Variants in RBFOX1 observed in about 807,000 individuals in gnomAD.
RBFOX1 encodes RNA binding fox-1 homolog 1, also known as RNA binding protein fox-1 homolog 1.
RBFOX1 carries 8 observed loss-of-function variants against 57.7 expected under a neutral mutation model. That is an observed-to-expected ratio of 0.14 (90% CI 0.08 to 0.25). The LOEUF (loss-of-function observed/expected upper bound fraction) is 0.25, where lower values mean the gene tolerates loss of function less well. RBFOX1 is among the 10% of genes least tolerant of loss of function. The probability of loss-of-function intolerance (pLI) is 1.00; values close to 1 mark genes in which losing one functional copy is unlikely to be tolerated. For missense variants in RBFOX1, 611 were observed against 548.5 expected, an observed-to-expected ratio of 1.11 and a Z score of -1.14; for synonymous variants, 326 against 222.4, an observed-to-expected ratio of 1.47 and a Z score of -4.15.
At chr16:6,376,329 C>A (rs1325843413) in intron 2 of RBFOX1, among the ~76,000 whole-genome samples, 1 of 151,806 alleles carries the variant, frequency 6.6e-6, no homozygotes, top group East Asian at 1.9e-4. Flanking sequence ...TTTGCAAGGG[C>A]CCCTGCAAAG....
chr16:7,309,142 G>T (rs546658815), intron 4 of RBFOX1, among the ~76,000 whole-genome samples: 1 of 152,306 alleles, frequency 6.6e-6, no homozygotes, highest in African/African-American at 2.4e-5. Context: ...AGGTCCCTCA[G>T]TCTCTTTCTA....
chr16:7,172,707 C>T (rs1452116688), intron 4 of RBFOX1, among the ~76,000 whole-genome samples: 2 of 152,168 alleles, frequency 1.3e-5, no homozygotes, highest in Admixed American at 6.5e-5. Context: ...GGGATCTTGA[C>T]ACACAATGAT....
chr16:6,397,780 C>A (rs9940557), intron 2 of RBFOX1, among the ~76,000 whole-genome samples: 54,577 of 151,656 alleles, frequency 0.36, 10,883 homozygotes, highest in African/African-American at 0.55. Flanking sequence ...TTTACACTTG[C>A]CATGAAGTAG....
rs138167170 is a variant in RBFOX1 at position 7,112,819 on chromosome 16, C to A, written c.27+60721C>A. ...GTGCTTACTCATCTGTTCTAGGCCT[C>A]TGTTTTATGATTTGGGTAACAGGAA... On this transcript the variant is annotated intron_variant, in intron 4 of 15. Coordinates refer to ENST00000550418, the MANE Select transcript of RBFOX1 (RefSeq NM_018723.4). Among the ~76,000 whole-genome samples, 368 of 152,080 alleles carry A rather than the reference C, an allele frequency of 2.4e-3. 1 individual carries two copies. Among genetic ancestry groups the A allele is most frequent in the African/African-American group, 8.6e-3 (358 of 41,488 alleles).
At chr16:5,720,493 A>T (rs191012364) in intron 3 of RBFOX1, among the ~76,000 whole-genome samples, 102 of 152,268 alleles carry the variant, frequency 6.7e-4, no homozygotes, top group Non-Finnish European at 1.3e-3. Context: ...TTTTATTGTC[A>T]TATTAACAAG....
At chr16:6,876,143 A>G (rs1049493530) in intron 3 of RBFOX1, among the ~76,000 whole-genome samples, 1 of 152,094 alleles carries the variant, frequency 6.6e-6, no homozygotes, top group African/African-American at 2.4e-5. Flanking sequence ...TGATTGCACC[A>G]TTGCACTCCA....
Position 7,131,215 on chromosome 16 carries a change from G to A in RBFOX1, c.27+79117G>A, listed in dbSNP as rs115842386. 7.9e-3 allele frequency among the ~76,000 whole-genome samples: 1,204 copies of A among 151,924 alleles called. 18 individuals are homozygous for A. Among genetic ancestry groups the A allele is most frequent in the African/African-American group, 0.027 (1,124 of 41,450 alleles). On this transcript the variant is annotated intron_variant, in intron 4 of 15. Coordinates refer to ENST00000550418, the MANE Select transcript of RBFOX1 (RefSeq NM_018723.4). ...CAAAAAGTTAGCCAGGTGTGGTATC[G>A]CACACCTGTAGTCTCAGCTACTCTG...
At chr16:6,114,950 A>G (rs758382241) in intron 1 of RBFOX1, among the ~76,000 whole-genome samples, 26 of 152,190 alleles carry the variant, frequency 1.7e-4, no homozygotes, top group African/African-American at 6.0e-4. Context: ...GACCATTTTC[A>G]GTTACATGCA....
chr16:6,418,770 C>T (rs1327487262), intron 2 of RBFOX1, among the ~76,000 whole-genome samples: 2 of 152,068 alleles, frequency 1.3e-5, no homozygotes, highest in Non-Finnish European at 2.9e-5. Flanking sequence ...CTTAATCAGT[C>T]CCCCTGCCTT....
rs143841077 is a variant in RBFOX1, at chr16:7,592,499, G to T, written c.469-3050G>T. 4.6e-3 allele frequency among the ~76,000 whole-genome samples: 695 copies of T among 152,278 alleles called. 6 individuals are homozygous for T. The highest frequency in any genetic ancestry group is 0.016 in the African/African-American group (657 of 41,560). On this transcript the variant is annotated intron_variant, in intron 7 of 15. Transcript: ENST00000550418. Reference sequence around the variant, plus strand: ...CTGGCTGTGTTCTTCCCAGTGCTGTGGTAATAATGACTGCTAGTTCCAAAG... The same window carrying T: ...CTGGCTGTGTTCTTCCCAGTGCTGTTGTAATAATGACTGCTAGTTCCAAAG...
chr16:6,992,149 A>T (rs2091575873), intron 3 of RBFOX1, among the ~76,000 whole-genome samples: 1 of 150,526 alleles, frequency 6.6e-6, no homozygotes, highest in South Asian at 2.1e-4. Context: ...AAGCAGAACC[A>T]AGCTCATAGA....
intron 1 of RBFOX1, among the ~76,000 whole-genome samples, chr16:6,091,229 G>A (rs1453956722): frequency 2.6e-5 from 4 of 152,030 alleles, no homozygotes; most frequent in Non-Finnish European, 5.9e-5. Flanking sequence ...ACCCTTCCCA[G>A]CCTTAGTCAC....
chr16:5,248,937 G>C (rs1232831662), intron 1 of RBFOX1, among the ~76,000 whole-genome samples: 3 of 135,104 alleles, frequency 2.2e-5, no homozygotes, highest in Non-Finnish European at 4.6e-5. Context: ...GCAGTGAGCT[G>C]AGATTGTGCC....
chr16:7,402,915 T>C (rs925567751), intron 4 of RBFOX1, among the ~76,000 whole-genome samples: 2 of 152,134 alleles, frequency 1.3e-5, no homozygotes, highest in African/African-American at 4.8e-5. Context: ...GGTCTATAGA[T>C]GTAGGAAGGC....
At chr16:5,909,155 C>T (rs1241731411) in intron 4 of RBFOX1, among the ~76,000 whole-genome samples, 4 of 124,796 alleles carry the variant, frequency 3.2e-5, no homozygotes, top group African/African-American at 6.2e-5. Flanking sequence ...TGCAGTGGTG[C>T]GGTCTGGGCT....
At chr16:5,658,258 C>G (rs979375508) in intron 3 of RBFOX1, among the ~76,000 whole-genome samples, 3 of 152,104 alleles carry the variant, frequency 2.0e-5, no homozygotes, top group Non-Finnish European at 2.9e-5. Context: ...GAAGCTGAGA[C>G]CCCAAGACTG....
At chr16:6,824,596 G>A (rs1316499100) in intron 3 of RBFOX1, among the ~76,000 whole-genome samples, 2 of 152,178 alleles carry the variant, frequency 1.3e-5, no homozygotes, top group South Asian at 4.1e-4. Flanking sequence ...TAAGTTAAAG[G>A]TGTGCTGTTT....
chr16:6,333,255 G>T (rs1326566797), intron 2 of RBFOX1, among the ~76,000 whole-genome samples: 1 of 152,130 alleles, frequency 6.6e-6, no homozygotes, highest in Admixed American at 6.5e-5. Flanking sequence ...ATGTTGGCCA[G>T]GCTGGTCTTG....
At chr16:6,849,335 G>C (rs1023809288) in intron 3 of RBFOX1, among the ~76,000 whole-genome samples, 8 of 152,178 alleles carry the variant, frequency 5.3e-5, no homozygotes, top group African/African-American at 1.9e-4. Flanking sequence ...AATAGATTAT[G>C]ACAAAAGTAG....
Sources: gnomAD v4.1 joint callset for allele counts (sites outside exome capture counted in the v4.1 genomes callset) on GRCh38, gnomAD v4.1.1 for gene constraint, MANE v1.5 for transcripts, NCBI Gene and HGNC (gene_info 2026-07-23, HGNC 2026-07-21) for gene names.